DERA: variants seen among roughly 807,000 people sequenced by gnomAD.
The protein encoded by DERA is deoxyribose-phosphate aldolase.
In DERA, 15 loss-of-function variants were observed where a neutral mutation model predicts 41.1. That is an observed-to-expected ratio of 0.37 (90% CI 0.24 to 0.56). DERA has a LOEUF of 0.56. DERA is among the 20% of genes least tolerant of loss of function. The pLI is 0.81. For missense variants in DERA, 396 were observed against 403.4 expected (o/e 0.98, Z 0.16); for synonymous variants, 139 against 137.4 (o/e 1.01, Z -0.08).
chr12:15,934,353 G>A lies in DERA; in HGVS notation c.32-22583G>A, dbSNP rs558390494. On this transcript the variant is annotated intron_variant, in intron 1 of 8. Coordinates refer to ENST00000428559, the MANE Select transcript of DERA (RefSeq NM_015954.4). The stretch of plus-strand genomic sequence containing the variant: ...TGTAATCCCAGCACTTTGGGAGGCC[G>A]AGGCGGGTGAATCACAAGGTCAGGA... Among the ~76,000 whole-genome samples, 22 of 152,248 alleles carry A rather than the reference G, an allele frequency of 1.4e-4. No individual in the cohort carries two copies. In the East Asian group the frequency reaches 3.9e-3, roughly 27 times the overall value.
At chr12:16,031,661 A>G (rs942352752) in intron 6 of DERA, among the ~76,000 whole-genome samples, 3 of 152,152 alleles carry the variant, frequency 2.0e-5, no homozygotes, top group Non-Finnish European at 4.4e-5. Context: ...AACCTAGGTA[A>G]GTTTATTGGA....
At chr12:16,025,451 G>C (rs773286271) in intron 6 of DERA, among the ~76,000 whole-genome samples, 2 of 151,912 alleles carry the variant, frequency 1.3e-5, no homozygotes, top group African/African-American at 2.4e-5. Context: ...CACTATCAGC[G>C]ATAAAAAAGG....
chr12:15,946,800 T>C (rs1948453283), intron 1 of DERA, among the ~76,000 whole-genome samples: 1 of 152,224 alleles, frequency 6.6e-6, no homozygotes. Flanking sequence ...CTTCTCTAGT[T>C]CTTTTAATTG....
chr12:16,023,896 A>G (rs1949036379), intron 6 of DERA, among the ~76,000 whole-genome samples: 1 of 152,220 alleles, frequency 6.6e-6, no homozygotes, highest in Non-Finnish European at 1.5e-5. Context: ...AGCTTTAATG[A>G]AAAAACAGAC....
Position 16,013,918 on chromosome 12 carries a change from A to G in DERA, c.638-18624A>G, listed in dbSNP as rs187334741. Among the ~76,000 whole-genome samples the G allele has an allele frequency of 9.2e-5, 14 of 152,332 alleles. No individual in the cohort carries two copies. Among genetic ancestry groups the G allele is most frequent in the Non-Finnish European group, 1.9e-4 (13 of 68,030 alleles). On this transcript the variant is annotated intron_variant, in intron 6 of 8. Transcript: ENST00000428559. The surrounding 1 kb of genome is among the most constrained non-coding windows in gnomAD (Gnocchi z 5.8). The stretch of plus-strand genomic sequence containing the variant: ...AAGGTCACTCTTGCTGTGCTTTAGC[A>G]AAGAGACTGGTGGCACTTTGCCCCT...
rs1244651432 is a variant in DERA, at chr12:15,938,625, T to G, written c.32-18311T>G. ...TGAGAAAATATTTTCTCTATAAGTG[T>G]TGAGATACTTGGTAAATTTAGCACA... On this transcript the variant is annotated intron_variant, in intron 1 of 8. Coordinates refer to ENST00000428559, the MANE Select transcript of DERA (RefSeq NM_015954.4). The surrounding 1 kb of genome is among the most constrained non-coding windows in gnomAD (Gnocchi z 4.1). Among the ~76,000 whole-genome samples the G allele has an allele frequency of 6.6e-6, 1 of 152,212 alleles. No individual in the cohort carries two copies. Among genetic ancestry groups the G allele is most frequent in the African/African-American group, 2.4e-5 (1 of 41,466 alleles).
At chr12:15,991,899 C>T (rs571115845) in intron 6 of DERA, among the ~76,000 whole-genome samples, 32 of 152,056 alleles carry the variant, frequency 2.1e-4, no homozygotes, top group African/African-American at 7.5e-4. Flanking sequence ...GCTTTGTCCC[C>T]ACTCCTTGGC....
At chr12:15,969,854 T>C (rs1948648375) in intron 5 of DERA, among the ~76,000 whole-genome samples, 1 of 152,202 alleles carries the variant, frequency 6.6e-6, no homozygotes, top group Non-Finnish European at 1.5e-5. Flanking sequence ...AATCGATAGC[T>C]ACTTTTTGGG....
rs545310685 is a variant in DERA, at chr12:16,016,531, G to A, written c.638-16011G>A. ...AAAGATTAAACAAGTTGGGTGTGGT[G>A]GCTCATGCCTGTAATTCTAGCACTT... On this transcript the variant is annotated intron_variant, in intron 6 of 8. Coordinates refer to ENST00000428559, the MANE Select transcript of DERA (RefSeq NM_015954.4). Among the ~76,000 whole-genome samples the A allele has an allele frequency of 2.6e-5, 4 of 152,122 alleles. No homozygotes were observed. The East Asian group carries it at 7.7e-4, about 29-fold the overall frequency.
Position 15,989,171 on chromosome 12 carries a change from A to G in DERA, c.637+6735A>G, listed in dbSNP as rs1484515405. 1.3e-5 allele frequency among the ~76,000 whole-genome samples: 2 copies of G among 152,176 alleles called. No individual in the cohort carries two copies. Among genetic ancestry groups the G allele is most frequent in the Admixed American group, 6.5e-5 (1 of 15,278 alleles). On this transcript the variant is annotated intron_variant, in intron 6 of 8. Transcript: ENST00000428559. The surrounding 1 kb of genome is among the most constrained non-coding windows in gnomAD (Gnocchi z 5.2). The stretch of plus-strand genomic sequence containing the variant: ...AGCACAGGGCTCCTGCCCTACCAAC[A>G]TGGTAGAGGGTGGAGCTCCCACCTG...
intron 1 of DERA, among the ~76,000 whole-genome samples, chr12:15,952,174 C>T (rs1948503082): frequency 6.6e-6 from 1 of 152,214 alleles, no homozygotes; most frequent in Admixed American, 6.5e-5. Flanking sequence ...GCTGGGATTA[C>T]AGGCGTGAGC....
chr12:15,914,004 T>TA (rs1290953181), intron 1 of DERA, among the ~76,000 whole-genome samples: 10 of 152,192 alleles, frequency 6.6e-5, no homozygotes, highest in Non-Finnish European at 1.2e-4. Flanking sequence ...AAAATGCAGG[T>TA]GTCACGTGGG....
chr12:15,944,629 G>A (rs947280604), intron 1 of DERA, among the ~76,000 whole-genome samples: 1 of 152,104 alleles, frequency 6.6e-6, no homozygotes, highest in Admixed American at 6.5e-5. Flanking sequence ...CTGGATATTA[G>A]CCCTTTGTCA....
chr12:15,962,980 C>G (rs1416801507), intron 5 of DERA, 33 bp downstream of exon 5: 1 of 1,589,830 alleles, frequency 6.3e-7, no homozygotes, highest in Non-Finnish European at 8.6e-7. Context: ...GAGAGTTTCA[C>G]CATTCTTCCC....
intron 1 of DERA, among the ~76,000 whole-genome samples, chr12:15,933,250 A>G (rs1423596553): frequency 6.6e-6 from 1 of 152,154 alleles, no homozygotes; most frequent in East Asian, 1.9e-4. Context: ...TCTATATACC[A>G]TTCTTCATAA....
chr12:15,997,709 A>G (rs1044466454), intron 6 of DERA, among the ~76,000 whole-genome samples: 2 of 152,222 alleles, frequency 1.3e-5, no homozygotes, highest in African/African-American at 4.8e-5. Flanking sequence ...TTGATTGTAT[A>G]TGTAACGTTT....
At chr12:16,006,073 T>C (rs1258133659) in intron 6 of DERA, among the ~76,000 whole-genome samples, 2 of 152,224 alleles carry the variant, frequency 1.3e-5, no homozygotes, top group African/African-American at 2.4e-5. Flanking sequence ...ATGTAACACG[T>C]TCAGCAAATG....
Position 16,001,257 on chromosome 12 carries a change from T to G in DERA, c.637+18821T>G, listed in dbSNP as rs535640932. Among the ~76,000 whole-genome samples, 93 of 152,292 alleles carry G rather than the reference T, an allele frequency of 6.1e-4. 1 individual carries two copies. The South Asian group carries it at 0.019, about 31-fold the overall frequency. On this transcript the variant is annotated intron_variant, in intron 6 of 8. Coordinates refer to ENST00000428559, the MANE Select transcript of DERA (RefSeq NM_015954.4). This position sits in a 1 kb window ranked among gnomAD's most constrained non-coding sequence, Gnocchi z 4.1. ...CATTCTGCACATGTTTATCCTATTTTTTTGTTTGTTTGTTTGTTTTTAGAA... is the reference window on the plus strand; with the variant it reads ...CATTCTGCACATGTTTATCCTATTTGTTTGTTTGTTTGTTTGTTTTTAGAA...
intron 6 of DERA, among the ~76,000 whole-genome samples, chr12:16,007,122 A>G (rs1351394757): frequency 1.3e-5 from 2 of 152,106 alleles, no homozygotes; most frequent in Non-Finnish European, 2.9e-5. Context: ...GAGTCATTGT[A>G]AAACTTAGTT....
Sources: gnomAD v4.1 joint callset for allele counts (sites outside exome capture counted in the v4.1 genomes callset) on GRCh38, gnomAD v4.1.1 for gene constraint, Gnocchi (gnomAD v3.1) non-coding constraint, MANE v1.5 for transcripts, NCBI Gene and HGNC (gene_info 2026-07-23, HGNC 2026-07-21) for gene names.